Variants in TMPRSS11D observed in about 807,000 individuals in gnomAD.
TMPRSS11D encodes the protein transmembrane protease serine 11D.
A neutral mutation model predicts 44.4 loss-of-function variants in TMPRSS11D; 32 were observed. The ratio of observed to expected loss-of-function variants is 0.72; its 90% CI spans 0.54 to 0.97. The LOEUF is 0.97. Ranked by LOEUF, TMPRSS11D falls within the 50% of genes least tolerant of loss-of-function variation. The probability of loss-of-function intolerance (pLI) is 0.00; values close to 1 mark genes in which losing one functional copy is unlikely to be tolerated. For synonymous variants in TMPRSS11D, 179 were observed against 177.9 expected (o/e 1.01, Z -0.05); for missense variants, 446 against 502.6 (o/e 0.89, Z 1.08).
intron 1 of TMPRSS11D, among the ~76,000 whole-genome samples, chr4:67,860,882 C>A (rs916075284): frequency 6.6e-6 from 1 of 152,086 alleles, no homozygotes; most frequent in Non-Finnish European, 1.5e-5. Context: ...GGGCTCTACT[C>A]AACTCACAAG....
chr4:67,880,113 A>G (rs1441195707), intron 1 of TMPRSS11D, among the ~76,000 whole-genome samples: 1 of 152,220 alleles, frequency 6.6e-6, no homozygotes, highest in Non-Finnish European at 1.5e-5. Flanking sequence ...AAAGAAATTA[A>G]GATACCATGC....
chr4:67,868,465 A>G (rs1440067815), intron 1 of TMPRSS11D, among the ~76,000 whole-genome samples: 2 of 152,174 alleles, frequency 1.3e-5, no homozygotes. Context: ...CACTCGGAGG[A>G]GGGAGGAGGA....
At chr4:67,833,126 A>G (rs979329677) in intron 7 of TMPRSS11D, 78 bp downstream of exon 7, 30 of 1,248,038 alleles carry the variant, frequency 2.4e-5, no homozygotes, top group African/African-American at 1.4e-4. Flanking sequence ...GCTCAATTCA[A>G]TCCTAGGGTA....
In TMPRSS11D at chr4:67,842,637, AAG is replaced by A. The variant is rs1371280198; in HGVS notation, c.250-14_250-13del. 10 of 1,600,576 alleles carry A rather than the reference AAG, an allele frequency of 6.2e-6. No individual in the cohort carries two copies. In the East Asian group the frequency reaches 8.9e-5, roughly 14 times the overall value. On this transcript the variant is annotated splice_polypyrimidine_tract_variant and intron_variant, in intron 3 of 9. Transcript: ENST00000283916. ...AATGTTTTAGTAATCTGTAGAAAGA[AAG>A]AGAGGGGGAATCTCTCTGTAAATAC...
chr4:67,841,466 T>C (rs778405772), intron 4 of TMPRSS11D, among the ~76,000 whole-genome samples: 7 of 152,178 alleles, frequency 4.6e-5, no homozygotes, highest in Non-Finnish European at 8.8e-5. Flanking sequence ...GGTCCAAGAA[T>C]AGGACTGATG....
Position 67,822,439 on chromosome 4 carries a change from C to T in TMPRSS11D, c.1155G>A (p.Gly385=). The T allele has an allele frequency of 6.2e-7, 1 of 1,613,936 alleles. No individual in the cohort carries two copies. Among genetic ancestry groups the T allele is most frequent in the Non-Finnish European group, 8.5e-7 (1 of 1,179,908 alleles). ...CACACTGATCTCCCCAGCTTACTAT[C>T]CCCACAATAAACCAAAGCCGCCGTG... ...EDSRRLWFIV[G]IVSWGDQCGL... is the part of the protein sequence containing the mutation. Residue 385 remains glycine, a synonymous_variant, in exon 10 of 10, where the codon GGG becomes GGA. Coordinates refer to ENST00000283916, the MANE Select transcript of TMPRSS11D (RefSeq NM_004262.3).
In TMPRSS11D at chr4:67,838,351, T is replaced by C. The variant is rs1455852011; in HGVS notation, c.318-22A>G. The C allele has an allele frequency of 2.6e-6, 4 of 1,519,208 alleles. No homozygotes were observed. The Admixed American group carries it at 7.0e-5, about 27-fold the overall frequency. The allele number at this position is 1,519,208 out of a possible 1,614,324, so 94.1% of individuals were successfully genotyped here. A position where few individuals can be genotyped will look rare whatever the true frequency, so the allele number is the denominator to read the frequency against. On this transcript the variant is annotated intron_variant, in intron 4 of 9. Transcript: ENST00000283916. ...TTGCCTGTAAATCATAAAGATATTT[T>C]AAAAAACAAATAATATGACAATTTT...
intron 3 of TMPRSS11D, among the ~76,000 whole-genome samples, chr4:67,848,274 T>G (rs1219651767): frequency 6.6e-6 from 1 of 152,206 alleles, no homozygotes; most frequent in East Asian, 1.9e-4. Context: ...GTCTTTTGTT[T>G]TATTTGGAGA....
chr4:67,852,579 T>C (rs1218809725), intron 3 of TMPRSS11D, among the ~76,000 whole-genome samples: 2 of 152,128 alleles, frequency 1.3e-5, no homozygotes, highest in African/African-American at 4.8e-5. Flanking sequence ...GAAGCAAGCA[T>C]CATTGAAACC....
At chr4:67,854,210 G>A (rs576114756) in intron 2 of TMPRSS11D, 24 bp from the exon 3 acceptor site, 1 of 1,220,902 alleles carries the variant, frequency 8.2e-7, no homozygotes, top group Admixed American at 1.9e-5. Flanking sequence ...AAAAGGGAAG[G>A]TCAGTCTTAC....
intron 2 of TMPRSS11D, 84 bp from the exon 3 acceptor site, chr4:67,854,270 A>G (rs1006929399): frequency 5.9e-6 from 4 of 680,018 alleles, no homozygotes; most frequent in African/African-American, 1.9e-5. Flanking sequence ...GGGAGGTTAT[A>G]TTATAGAATT....
Position 67,844,514 on chromosome 4 carries a change from C to A in TMPRSS11D, c.250-1889G>T, listed in dbSNP as rs1043682604. On this transcript the variant is annotated intron_variant, in intron 3 of 9. Transcript: ENST00000283916. The stretch of plus-strand genomic sequence containing the variant: ...TCAGGCCAGGCACAGTGGCTCACAC[C>A]TGTAATCCCAGCACTTTGGGAGGCT... 2.6e-5 allele frequency among the ~76,000 whole-genome samples: 4 copies of A among 152,022 alleles called. No homozygotes were observed. In the East Asian group the frequency reaches 7.7e-4, roughly 29 times the overall value.
chr4:67,859,630 T>G lies in TMPRSS11D; in HGVS notation c.57A>C (p.Val19=). The part of the protein sequence containing the change: ...STSRFLNPYV[V]CFIVVAGVVI... ...CTACCCCTGCGACGACAATGAAACA[T>G]ACTACATATGGATTCAGAAATCTTG... Residue 19 remains valine (V), a synonymous_variant, in exon 2 of 10, where the codon GTA becomes GTC. Transcript: ENST00000283916. 1.2e-6 allele frequency: 2 copies of G among 1,613,148 alleles called. No homozygotes were observed. The highest frequency in any genetic ancestry group is 1.7e-6 in the Non-Finnish European group (2 of 1,179,348).
intron 3 of TMPRSS11D, among the ~76,000 whole-genome samples, chr4:67,847,535 C>T (rs1225704383): frequency 1.3e-5 from 2 of 152,146 alleles, no homozygotes; most frequent in Non-Finnish European, 2.9e-5. Context: ...GTAAACTGCT[C>T]ATCACTGAAA....
intron 1 of TMPRSS11D, among the ~76,000 whole-genome samples, chr4:67,869,302 A>G (rs1300467677): frequency 6.6e-6 from 1 of 152,164 alleles, no homozygotes; most frequent in African/African-American, 2.4e-5. Flanking sequence ...GGCCTACAAT[A>G]TAAATCTCTA....
chr4:67,823,560 ATAGT>A (rs1287259854), intron 9 of TMPRSS11D, among the ~76,000 whole-genome samples: 2 of 152,152 alleles, frequency 1.3e-5, no homozygotes, highest in African/African-American at 2.4e-5. Context: ...AGCTTAGCAT[ATAGT>A]ATAGTCAGTA....
intron 3 of TMPRSS11D, among the ~76,000 whole-genome samples, chr4:67,853,227 T>C (rs1470903549): frequency 6.6e-6 from 1 of 152,116 alleles, no homozygotes; most frequent in East Asian, 1.9e-4. Context: ...TAAATTAGAT[T>C]AGAAGGAAAA....
chr4:67,829,362 C>G (rs1003409766), intron 7 of TMPRSS11D, among the ~76,000 whole-genome samples: 1 of 150,974 alleles, frequency 6.6e-6, no homozygotes, highest in Non-Finnish European at 1.5e-5. Context: ...TTATCGAACT[C>G]CCCTCATATA....
At chr4:67,852,240 A>G (rs1424818282) in intron 3 of TMPRSS11D, among the ~76,000 whole-genome samples, 1 of 152,208 alleles carries the variant, frequency 6.6e-6, no homozygotes, top group East Asian at 1.9e-4. Context: ...AGCAAACTCT[A>G]AAACGTAGTT....
Sources: allele counts gnomAD v4.1 joint callset (sites outside exome capture counted in the v4.1 genomes callset), GRCh38; gene constraint gnomAD v4.1.1; transcripts MANE v1.5; gene names NCBI Gene and HGNC (gene_info 2026-07-23, HGNC 2026-07-21).